TENM4: variants seen among roughly 807,000 people sequenced by gnomAD.
TENM4 encodes the protein teneurin transmembrane protein 4.
TENM4 carries 82 observed loss-of-function variants against 243.3 expected under a neutral mutation model. The observed-to-expected ratio is 0.34, with a 90% CI of 0.28 to 0.40. The LOEUF (loss-of-function observed/expected upper bound fraction) is 0.40. TENM4 is among the 10% of genes least tolerant of loss of function. The pLI, the probability that TENM4 is intolerant of heterozygous loss-of-function variation, is 1.00. For synonymous variants in TENM4, 1,412 were observed against 1,456.3 expected, an observed-to-expected ratio of 0.97 and a Z score of 0.69; for missense variants, 3,138 against 3,673.3, an observed-to-expected ratio of 0.85 and a Z score of 3.77.
chr11:79,305,409 A>G (rs1262786575), intron 1 of TENM4, among the ~76,000 whole-genome samples: 2 of 151,862 alleles, frequency 1.3e-5, no homozygotes, highest in East Asian at 3.8e-4. Flanking sequence ...TCACTGCACT[A>G]AAAAGGTCCA....
intron 3 of TENM4, among the ~76,000 whole-genome samples, chr11:79,160,462 C>G (rs760269945): frequency 2.0e-5 from 3 of 152,054 alleles, no homozygotes; most frequent in Non-Finnish European, 2.9e-5. Flanking sequence ...GGGAGAGCCT[C>G]TCTTCTCCAG....
chr11:79,147,302 T>C (rs1862412228), intron 4 of TENM4, among the ~76,000 whole-genome samples: 1 of 152,108 alleles, frequency 6.6e-6, no homozygotes, highest in African/African-American at 2.4e-5. Flanking sequence ...AGTCTGTGTG[T>C]TTAAGGACCT....
chr11:79,339,049 ACAAAG>A (rs1375170927), intron 1 of TENM4, among the ~76,000 whole-genome samples: 3 of 152,212 alleles, frequency 2.0e-5, no homozygotes, highest in Admixed American at 6.5e-5. Flanking sequence ...CAACACAGTC[ACAAAG>A]CTGGGGCTCT....
chr11:78,663,203 C>T (rs911040225), intron 32 of TENM4, among the ~76,000 whole-genome samples: 9 of 152,196 alleles, frequency 5.9e-5, no homozygotes, highest in Non-Finnish European at 1.3e-4. Flanking sequence ...AAGCAGATGT[C>T]AATCAGAGAC....
intron 6 of TENM4, among the ~76,000 whole-genome samples, chr11:79,004,648 A>G (rs1858427447): frequency 6.6e-6 from 1 of 152,166 alleles, no homozygotes; most frequent in Admixed American, 6.6e-5. Context: ...TCAAAAAGTT[A>G]GAAAGATCTC....
intron 3 of TENM4, among the ~76,000 whole-genome samples, chr11:79,170,617 G>A (rs1388809415): frequency 6.6e-6 from 1 of 152,152 alleles, no homozygotes; most frequent in South Asian, 2.1e-4. Context: ...GGCAGAGACT[G>A]GGGGATGCCT....
At chr11:78,710,529 C>T (rs933809158) in intron 26 of TENM4, among the ~76,000 whole-genome samples, 2 of 152,218 alleles carry the variant, frequency 1.3e-5, no homozygotes, top group East Asian at 3.8e-4. Flanking sequence ...ACATTAATTT[C>T]ATTCTGTAAG....
At chr11:78,714,761 C>T (rs1253788650) in intron 25 of TENM4, among the ~76,000 whole-genome samples, 1 of 152,094 alleles carries the variant, frequency 6.6e-6, no homozygotes, top group African/African-American at 2.4e-5. Context: ...GCACCTGCTG[C>T]TCCTGCTCTG....
At chr11:79,354,253 G>A (rs991333299) in intron 1 of TENM4, among the ~76,000 whole-genome samples, 4 of 152,188 alleles carry the variant, frequency 2.6e-5, no homozygotes, top group Non-Finnish European at 4.4e-5. Context: ...TCCAGGACAG[G>A]ACACGGAGAT....
chr11:78,931,383 G>A (rs1285050463), intron 6 of TENM4, among the ~76,000 whole-genome samples: 1 of 152,172 alleles, frequency 6.6e-6, no homozygotes. Flanking sequence ...TGGGCCCTGC[G>A]GTTTGTCTGA....
chr11:79,062,065 G>A (rs183194771), intron 6 of TENM4, among the ~76,000 whole-genome samples: 2 of 151,358 alleles, frequency 1.3e-5, no homozygotes, highest in African/African-American at 4.9e-5. Context: ...GGGTTCCAGT[G>A]ATTCTCCTGC....
At position 79,034,488 on chromosome 11, in the gene TENM4, G is replaced by C. The variant is rs567455369; in HGVS notation, c.493+30250C>G. Among the ~76,000 whole-genome samples, 78 of 152,302 alleles carry C rather than the reference G, an allele frequency of 5.1e-4. No homozygotes were observed. In the Middle Eastern group the frequency reaches 0.014, roughly 27 times the overall value. ...TGCTCTTGTTGTGAGGATAATTACA[G>C]ACATTTTTAGCTTTCTAGGAATTTT... is the stretch of plus-strand genomic sequence containing the variant. On this transcript the variant is annotated intron_variant, in intron 6 of 33. Coordinates refer to ENST00000278550, the MANE Select transcript of TENM4 (RefSeq NM_001098816.3).
chr11:79,420,409 T>A (rs1257368253), intron 1 of TENM4, among the ~76,000 whole-genome samples: 1 of 152,090 alleles, frequency 6.6e-6, no homozygotes, highest in East Asian at 1.9e-4. Context: ...GGAACCATAA[T>A]CAGAACCCTA....
intron 8 of TENM4, among the ~76,000 whole-genome samples, chr11:78,890,824 C>A (rs1039452633): frequency 6.6e-6 from 1 of 152,196 alleles, no homozygotes; most frequent in Non-Finnish European, 1.5e-5. Flanking sequence ...AGGACTTGCA[C>A]ACAGCCTGGG....
chr11:78,864,520 GAC>G (rs1858914094), intron 9 of TENM4, among the ~76,000 whole-genome samples: 1 of 147,584 alleles, frequency 6.8e-6, no homozygotes, highest in Non-Finnish European at 1.5e-5. Context: ...TCTAGAAAGA[GAC>G]CATAAGGCGC....
intron 4 of TENM4, among the ~76,000 whole-genome samples, chr11:79,127,119 T>C (rs1174223153): frequency 6.6e-6 from 1 of 152,156 alleles, no homozygotes; most frequent in Non-Finnish European, 1.5e-5. Context: ...TAGACAAACT[T>C]AGTAGCTAGC....
intron 9 of TENM4, among the ~76,000 whole-genome samples, chr11:78,887,197 A>C (rs1313978712): frequency 6.6e-6 from 1 of 152,240 alleles, no homozygotes; most frequent in Admixed American, 6.5e-5. Context: ...CAAATGCTTC[A>C]AACACAGAAA....
At chr11:78,919,008 C>G (rs1856385963) in intron 6 of TENM4, among the ~76,000 whole-genome samples, 1 of 152,122 alleles carries the variant, frequency 6.6e-6, no homozygotes, top group Admixed American at 6.5e-5. Context: ...TGTACCTACT[C>G]AGAGATTGAA....
At chr11:79,402,937 CT>C (rs1017684010) in intron 1 of TENM4, among the ~76,000 whole-genome samples, 1 of 152,062 alleles carries the variant, frequency 6.6e-6, no homozygotes, top group Admixed American at 6.5e-5. Context: ...AGGATGTGGA[CT>C]TTTTTTTCTC....
Sources: gnomAD v4.1 joint callset for allele counts (sites outside exome capture counted in the v4.1 genomes callset) on GRCh38, gnomAD v4.1.1 for gene constraint, MANE v1.5 for transcripts, NCBI Gene and HGNC (gene_info 2026-07-23, HGNC 2026-07-21) for gene names.